The following FAM13A variants were observed in gnomAD, a reference collection of about 807,000 sequenced individuals.
FAM13A encodes protein FAM13A.
In FAM13A, 76 loss-of-function variants were observed where a neutral mutation model predicts 129.6. The ratio of observed to expected loss-of-function variants is 0.59; its 90% confidence interval spans 0.49 to 0.71. FAM13A has a LOEUF of 0.71. Ranked by LOEUF, FAM13A falls within the 30% of genes least tolerant of loss-of-function variation. The pLI is 0.00. For synonymous variants in FAM13A, 443 were observed against 449.9 expected (o/e 0.98, Z 0.20); for missense variants, 1,108 against 1,249.3 (o/e 0.89, Z 1.70).
chr4:88,870,692 G>T (rs1432959411), intron 6 of FAM13A, among the ~76,000 whole-genome samples: 2 of 152,242 alleles, frequency 1.3e-5, no homozygotes. Flanking sequence ...TCTGGGAGCA[G>T]GACACAGCTG....
chr4:88,748,309 G>A (rs934936506), intron 17 of FAM13A, among the ~76,000 whole-genome samples: 4 of 152,140 alleles, frequency 2.6e-5, no homozygotes, highest in African/African-American at 7.2e-5. Flanking sequence ...GAATTATTAT[G>A]TAAAACCTGA....
At chr4:88,774,839 GA>G (rs969682244) in intron 11 of FAM13A, among the ~76,000 whole-genome samples, 6 of 152,162 alleles carry the variant, frequency 3.9e-5, no homozygotes, top group Admixed American at 3.3e-4. Context: ...AAAGGACTTG[GA>G]AAATGACTAA....
At chr4:88,875,733 T>C (rs1041880163) in intron 6 of FAM13A, among the ~76,000 whole-genome samples, 4 of 152,172 alleles carry the variant, frequency 2.6e-5, no homozygotes, top group Non-Finnish European at 5.9e-5. Flanking sequence ...GACAGTGTGG[T>C]GATTCCTCAA....
At chr4:88,781,083 T>C in intron 11 of FAM13A, 82 bp downstream of exon 11, 1 of 975,918 alleles carries the variant, frequency 1.0e-6, no homozygotes, top group Non-Finnish European at 1.5e-6. Context: ...AAGACTGAAA[T>C]TACTTTTAAT....
chr4:88,933,064 T>C (rs1042453058), intron 5 of FAM13A, among the ~76,000 whole-genome samples: 4 of 152,098 alleles, frequency 2.6e-5, no homozygotes, highest in East Asian at 1.9e-4. Flanking sequence ...TCCAATGATA[T>C]ACAGAAAAAT....
chr4:88,867,655 T>C (rs1579029877), intron 6 of FAM13A, among the ~76,000 whole-genome samples: 1 of 152,230 alleles, frequency 6.6e-6, no homozygotes, highest in Non-Finnish European at 1.5e-5. Context: ...TACTGTACTA[T>C]ATTTTGCATG....
chr4:88,995,338 C>T (rs1161603534), intron 3 of FAM13A, among the ~76,000 whole-genome samples: 1 of 152,040 alleles, frequency 6.6e-6, no homozygotes, highest in African/African-American at 2.4e-5. Context: ...CTGGGTGTGT[C>T]TGTGAGGGTG....
chr4:88,895,064 T>C (rs1022402886), intron 6 of FAM13A, among the ~76,000 whole-genome samples: 1 of 152,168 alleles, frequency 6.6e-6, no homozygotes, highest in Non-Finnish European at 1.5e-5. Flanking sequence ...AAATATGATA[T>C]GACAACACAT....
intron 6 of FAM13A, among the ~76,000 whole-genome samples, chr4:88,900,474 G>C (rs1290005684): frequency 6.6e-6 from 1 of 152,040 alleles, no homozygotes; most frequent in East Asian, 1.9e-4. Context: ...CAAGCCAGAA[G>C]AGATTAGGTA....
chr4:88,937,946 A>G, intron 5 of FAM13A, 142 bp downstream of exon 5: 1 of 613,844 alleles, frequency 1.6e-6, no homozygotes, highest in Non-Finnish European at 2.8e-6. Context: ...TTGGAATAAT[A>G]GATTTCATAA....
intron 4 of FAM13A, among the ~76,000 whole-genome samples, chr4:88,973,853 T>G (rs1760504364): frequency 6.6e-6 from 1 of 152,166 alleles, no homozygotes; most frequent in Admixed American, 6.5e-5. Flanking sequence ...GCCCCTCAAC[T>G]GTAAACTTCA....
chr4:88,861,197 A>G (rs1739430074), intron 6 of FAM13A, among the ~76,000 whole-genome samples: 3 of 152,050 alleles, frequency 2.0e-5, no homozygotes, highest in South Asian at 2.1e-4. Context: ...CCTGGTCAAC[A>G]TGGCAAAACC....
At chr4:89,050,909 C>T (rs1396505064) in intron 1 of FAM13A, among the ~76,000 whole-genome samples, 2 of 152,010 alleles carry the variant, frequency 1.3e-5, no homozygotes, top group East Asian at 3.9e-4. Flanking sequence ...GCCTGGGCAA[C>T]AGAGCAAGAC....
At chr4:89,056,917 C>G in intron 1 of FAM13A, 21 bp downstream of exon 1, 1 of 1,610,346 alleles carries the variant, frequency 6.2e-7, no homozygotes. Context: ...ACACAGAAGA[C>G]AGAAGAAGGC....
At chr4:88,946,626 G>C (rs1755931245) in intron 4 of FAM13A, among the ~76,000 whole-genome samples, 1 of 152,084 alleles carries the variant, frequency 6.6e-6, no homozygotes. Flanking sequence ...GGGTATTGGA[G>C]AGATTCAGTT....
chr4:88,985,530 A>G (rs1400606833), intron 4 of FAM13A, among the ~76,000 whole-genome samples: 2 of 152,198 alleles, frequency 1.3e-5, no homozygotes, highest in Non-Finnish European at 2.9e-5. Context: ...TCAGACTGGC[A>G]AGACTTCAAA....
In FAM13A at chr4:89,053,294, G is replaced by A. The variant is rs573994168; in HGVS notation, c.27+3644C>T. On this transcript the variant is annotated intron_variant, in intron 1 of 23. Coordinates refer to ENST00000264344, the MANE Select transcript of FAM13A (RefSeq NM_014883.4). ...CATGAACTGATAATTACCATGATCA[G>A]GAAAGGCTGATGTGGCACAGAAGGC... 2.6e-5 allele frequency among the ~76,000 whole-genome samples: 4 copies of A among 152,244 alleles called. No homozygotes were observed. In the East Asian group the frequency reaches 7.7e-4, roughly 29 times the overall value.
At chr4:88,966,743 C>T (rs751438832) in intron 4 of FAM13A, among the ~76,000 whole-genome samples, 7 of 152,134 alleles carry the variant, frequency 4.6e-5, no homozygotes, top group Non-Finnish European at 1.0e-4. Context: ...AATGAACTAC[C>T]AAAATAAGTT....
intron 4 of FAM13A, among the ~76,000 whole-genome samples, chr4:88,953,445 A>G (rs1048336756): frequency 6.6e-6 from 1 of 152,166 alleles, no homozygotes; most frequent in African/African-American, 2.4e-5. Flanking sequence ...ACAGAGCGAG[A>G]CTCTATCTCA....
Sources: allele counts gnomAD v4.1 joint callset (sites outside exome capture counted in the v4.1 genomes callset), GRCh38; gene constraint gnomAD v4.1.1; transcripts MANE v1.5; gene names NCBI Gene and HGNC (gene_info 2026-07-23, HGNC 2026-07-21).